Variants in SYT2 observed in about 807,000 individuals in gnomAD.
The protein encoded by SYT2 is synaptotagmin-2.
In SYT2, 15 loss-of-function variants were observed where a neutral mutation model predicts 39.9. That is an observed-to-expected ratio of 0.38 (90% CI 0.25 to 0.58). The LOEUF (loss-of-function observed/expected upper bound fraction) is 0.58. SYT2 is among the 20% of genes least tolerant of loss of function. SYT2 has a pLI of 0.70. For missense variants in SYT2, 389 were observed against 530.3 expected (o/e 0.73, Z 2.62); for synonymous variants, 181 against 204.5 (o/e 0.89, Z 0.98).
intron 1 of SYT2, among the ~76,000 whole-genome samples, chr1:202,678,897 C>A (rs1653453267): frequency 6.6e-6 from 1 of 152,012 alleles, no homozygotes; most frequent in African/African-American, 2.4e-5. Context: ...AACTACTGAC[C>A]CAACGCCCTA....
At chr1:202,603,142 G>T (rs750275508) in intron 3 of SYT2, 24 bp from the exon 4 acceptor site, 16 of 1,613,584 alleles carry the variant, frequency 9.9e-6, no homozygotes, top group Admixed American at 3.3e-5. Flanking sequence ...GGGAGAGAGG[G>T]AACAAGTTAA....
chr1:202,604,426 C>T (rs1690628377), intron 3 of SYT2, 29 bp downstream of exon 3: 2 of 1,609,084 alleles, frequency 1.2e-6, no homozygotes, highest in South Asian at 1.1e-5. Context: ...GAGCCCCTTC[C>T]AGTCCCCCTC....
chr1:202,704,681 C>T (rs1332059442), intron 1 of SYT2, among the ~76,000 whole-genome samples: 1 of 152,212 alleles, frequency 6.6e-6, no homozygotes, highest in Non-Finnish European at 1.5e-5. Flanking sequence ...TATGCACACA[C>T]ACACGGCTGC....
chr1:202,643,028 C>T lies in SYT2; in HGVS notation c.-17-37239G>A, dbSNP rs374177751. Among the ~76,000 whole-genome samples the T allele has an allele frequency of 2.0e-4, 31 of 152,356 alleles. No individual in the cohort carries two copies. The Middle Eastern group carries it at 0.01, about 50-fold the overall frequency. ...CCGAAATAATTCAGGACACCTCCCCCGGGTCTAGCCAGGTAATTCCGACGC... is the reference window on the plus strand; with the variant it reads ...CCGAAATAATTCAGGACACCTCCCCTGGGTCTAGCCAGGTAATTCCGACGC... On this transcript the variant is annotated intron_variant, in intron 1 of 8. Transcript: ENST00000367268.
At chr1:202,692,051 C>A (rs189562776) in intron 1 of SYT2, among the ~76,000 whole-genome samples, 3 of 152,090 alleles carry the variant, frequency 2.0e-5, no homozygotes, top group Non-Finnish European at 2.9e-5. Flanking sequence ...TGGCTCCACA[C>A]CACTCTATCC....
chr1:202,696,211 C>T (rs1653969287), intron 1 of SYT2, among the ~76,000 whole-genome samples: 1 of 152,148 alleles, frequency 6.6e-6, no homozygotes, highest in Admixed American at 6.5e-5. Flanking sequence ...CCCTTTACAA[C>T]CCAAATCGTG....
chr1:202,618,999 G>A (rs1176539275), intron 1 of SYT2, among the ~76,000 whole-genome samples: 1 of 152,202 alleles, frequency 6.6e-6, no homozygotes, highest in Admixed American at 6.5e-5. Context: ...CAGGCATTTG[G>A]TGGAGGAAGA....
chr1:202,617,774 C>A (rs1572628243), intron 1 of SYT2, among the ~76,000 whole-genome samples: 2 of 152,204 alleles, frequency 1.3e-5, no homozygotes. Context: ...AAGCAGCCAC[C>A]TCATTGGTCT....
Position 202,596,516 on chromosome 1 carries a change from A to G in SYT2, c.*241T>C. ...AGGGAACTGTGACAGGGCATGCAGC[A>G]AGGACAGCTCCTGGGACCGTGAACA... On this transcript the variant is annotated 3_prime_UTR_variant, in exon 9 of 9. Transcript: ENST00000367268. 2.2e-6 allele frequency: 1 copy of G among 463,446 alleles called. No individual in the cohort carries two copies. Among genetic ancestry groups the G allele is most frequent in the Non-Finnish European group, 3.9e-6 (1 of 259,674 alleles). 28.7% of individuals were successfully genotyped at this position (463,446 alleles called of 1,614,324 possible).
chr1:202,696,603 T>G (rs892269140), intron 1 of SYT2, among the ~76,000 whole-genome samples: 2 of 152,162 alleles, frequency 1.3e-5, no homozygotes, highest in African/African-American at 4.8e-5. Flanking sequence ...ACAGAGAGCT[T>G]GCTCCACGAA....
intron 1 of SYT2, among the ~76,000 whole-genome samples, chr1:202,616,487 CACAT>C (rs1218460318): frequency 2.6e-4 from 39 of 152,286 alleles, no homozygotes; most frequent in Non-Finnish European, 4.4e-4. Flanking sequence ...CACTTGCACA[CACAT>C]ACACATATGC....
In SYT2 at chr1:202,605,581, C is replaced by T; in HGVS notation, c.178+14G>A. Reference sequence around the variant, plus strand: ...TAGCCTTGCCCCACCCTCTCAGCCACCAGAGACACTCACAGGGAATCTTGT... The same window carrying T: ...TAGCCTTGCCCCACCCTCTCAGCCATCAGAGACACTCACAGGGAATCTTGT... On this transcript the variant is annotated intron_variant, in intron 2 of 8. Transcript: ENST00000367268. The T allele has an allele frequency of 5.0e-6, 8 of 1,610,750 alleles. No homozygotes were observed. Among genetic ancestry groups the T allele is most frequent in the Non-Finnish European group, 6.8e-6 (8 of 1,177,080 alleles).
intron 1 of SYT2, among the ~76,000 whole-genome samples, chr1:202,645,826 C>T (rs1692069971): frequency 6.6e-6 from 1 of 152,204 alleles, no homozygotes; most frequent in South Asian, 2.1e-4. Flanking sequence ...AGGATGGGAA[C>T]ACAGTGGGTC....
At chr1:202,603,930 T>G (rs972854876) in intron 3 of SYT2, among the ~76,000 whole-genome samples, 1 of 152,052 alleles carries the variant, frequency 6.6e-6, no homozygotes, top group African/African-American at 2.4e-5. Flanking sequence ...CTCTGCAAAC[T>G]TAAAAGAAGA....
intron 1 of SYT2, among the ~76,000 whole-genome samples, chr1:202,674,716 C>A (rs1349333749): frequency 6.6e-6 from 1 of 152,114 alleles, no homozygotes; most frequent in Non-Finnish European, 1.5e-5. Context: ...TGGTATGAAA[C>A]CCCTACTGTT....
intron 1 of SYT2, among the ~76,000 whole-genome samples, chr1:202,656,521 C>T (rs1572661425): frequency 6.6e-6 from 1 of 152,318 alleles, no homozygotes; most frequent in African/African-American, 2.4e-5. Flanking sequence ...GCTTCCCAAG[C>T]GGACAGCCTT....
chr1:202,613,598 T>C (rs1259949419), intron 1 of SYT2, among the ~76,000 whole-genome samples: 3 of 152,102 alleles, frequency 2.0e-5, no homozygotes, highest in Non-Finnish European at 4.4e-5. Context: ...GGGAAAATCT[T>C]TCAATCTTTC....
At position 202,601,115 on chromosome 1, in the gene SYT2, CACA is replaced by C. The variant is rs1690489779; in HGVS notation, c.802-644_802-642del. Among the ~76,000 whole-genome samples the C allele has an allele frequency of 6.6e-6, 1 of 152,180 alleles. No homozygotes were observed. Among genetic ancestry groups the C allele is most frequent in the Non-Finnish European group, 1.5e-5 (1 of 68,022 alleles). On this transcript the variant is annotated intron_variant, in intron 6 of 8. Coordinates refer to ENST00000367268, the MANE Select transcript of SYT2 (RefSeq NM_177402.5). The surrounding 1 kb of genome is among the most constrained non-coding windows in gnomAD (Gnocchi z 4.0). ...AGAGGCCATGGTTTGCTCAAAGTCA[CACA>C]ACAATTTAGCACTGTAGGCAGGCTG...
chr1:202,676,402 C>T (rs1653375456), intron 1 of SYT2, among the ~76,000 whole-genome samples: 1 of 152,196 alleles, frequency 6.6e-6, no homozygotes, highest in Non-Finnish European at 1.5e-5. Flanking sequence ...GCTTACAAAC[C>T]TTCTCCCCAT....
Sources: allele counts gnomAD v4.1 joint callset (sites outside exome capture counted in the v4.1 genomes callset), GRCh38; gene constraint gnomAD v4.1.1; non-coding constraint Gnocchi (gnomAD v3.1); transcripts MANE v1.5; gene names NCBI Gene and HGNC (gene_info 2026-07-23, HGNC 2026-07-21).